VAC14: variants seen among roughly 807,000 people sequenced by gnomAD.
VAC14 encodes the protein VAC14 component of PIKFYVE complex.
Under a neutral mutation model 85.3 loss-of-function variants are expected in VAC14, and 47 were observed. That is an observed-to-expected ratio of 0.55 (90% CI 0.44 to 0.70). The LOEUF (loss-of-function observed/expected upper bound fraction) is 0.70, where lower values mean the gene tolerates loss of function less well. Among genes scored for constraint, VAC14 ranks in the 30% least tolerant of loss-of-function variants. The pLI is 0.00. For synonymous variants in VAC14, 447 were observed against 430.5 expected, an observed-to-expected ratio of 1.04 and a Z score of -0.47; for missense variants, 861 against 1,004.3, an observed-to-expected ratio of 0.86 and a Z score of 1.93.
chr16:70,795,043 G>A (rs1596972294), intron 1 of VAC14, among the ~76,000 whole-genome samples: 1 of 152,226 alleles, frequency 6.6e-6, no homozygotes, highest in African/African-American at 2.4e-5. Context: ...TGCTGTGCAG[G>A]TTTGTAGACT....
intron 9 of VAC14, chr16:70,772,603 G>A (rs939213629): frequency 6.4e-6 from 1 of 155,986 alleles, no homozygotes. Flanking sequence ...TGGAGAAACT[G>A]GAACCCTCGT....
rs79629143 is a variant in VAC14 at position 70,756,286 on chromosome 16, G to A, written c.1371+6254C>T. Reference sequence around the variant, plus strand: ...CAGTGGCACTGCCAGCCCAAGTTGGGCCGTTCCTCTGGGCTCCTAGGCAAG... The same window carrying A: ...CAGTGGCACTGCCAGCCCAAGTTGGACCGTTCCTCTGGGCTCCTAGGCAAG... On this transcript the variant is annotated intron_variant, in intron 12 of 18. Transcript: ENST00000261776. Among the ~76,000 whole-genome samples, 29 of 152,282 alleles carry A rather than the reference G, an allele frequency of 1.9e-4. No individual in the cohort carries two copies. The East Asian group carries it at 5.0e-3, about 26-fold the overall frequency.
chr16:70,690,478 G>C, intron 18 of VAC14: 1 of 985,598 alleles, frequency 1.0e-6, no homozygotes, highest in Non-Finnish European at 1.2e-6. Flanking sequence ...CCATGCACCT[G>C]TTGCCAGCTT....
chr16:70,688,671 C>T, intron 18 of VAC14: 8 of 985,634 alleles, frequency 8.1e-6, no homozygotes, highest in Non-Finnish European at 9.6e-6. Context: ...ACAGCTCCTA[C>T]ATTCCTGTTG....
chr16:70,754,920 G>A (rs190673404), intron 12 of VAC14, among the ~76,000 whole-genome samples: 3 of 152,298 alleles, frequency 2.0e-5, no homozygotes, highest in Non-Finnish European at 4.4e-5. Context: ...AAGACTGTCC[G>A]CTTCTGAGCA....
At chr16:70,784,340 C>A (rs1195450182) in intron 4 of VAC14, 120 bp from the exon 5 acceptor site, 6 of 738,802 alleles carry the variant, frequency 8.1e-6, no homozygotes, top group Non-Finnish European at 1.2e-5. Context: ...AATGGCAGAT[C>A]CTGAGCTAGG....
At chr16:70,799,185 C>CA (rs1327224308) in intron 1 of VAC14, among the ~76,000 whole-genome samples, 3 of 152,150 alleles carry the variant, frequency 2.0e-5, no homozygotes, top group Non-Finnish European at 4.4e-5. Flanking sequence ...GGGTGAGGGA[C>CA]AAAACTAGGT....
At chr16:70,689,475 TG>T (rs2053559026) in intron 18 of VAC14, 3 of 930,528 alleles carry the variant, frequency 3.2e-6, no homozygotes, top group Non-Finnish European at 3.7e-6. Context: ...TTGCTTCAGG[TG>T]GCCACCAGCC....
At chr16:70,719,506 T>C (rs1353671821) in intron 14 of VAC14, among the ~76,000 whole-genome samples, 2 of 152,028 alleles carry the variant, frequency 1.3e-5, no homozygotes, top group African/African-American at 2.4e-5. Flanking sequence ...ATTCAGAATA[T>C]ACAAAGGACT....
At chr16:70,722,152 G>A (rs1170904049) in intron 14 of VAC14, among the ~76,000 whole-genome samples, 2 of 152,206 alleles carry the variant, frequency 1.3e-5, no homozygotes, top group African/African-American at 4.8e-5. Context: ...CTGCATCTGA[G>A]CCCTGAACTA....
intron 18 of VAC14, chr16:70,688,721 T>C: frequency 2.0e-6 from 2 of 985,562 alleles, no homozygotes; most frequent in Non-Finnish European, 2.4e-6. Flanking sequence ...CAACACAGGT[T>C]GTGCACTGCA....
At chr16:70,741,721 G>A (rs753311289) in intron 13 of VAC14, among the ~76,000 whole-genome samples, 7 of 152,180 alleles carry the variant, frequency 4.6e-5, no homozygotes, top group Non-Finnish European at 1.0e-4. Context: ...ATGCTTTGTC[G>A]TTCTTCTATG....
At chr16:70,751,323 C>T (rs906580251) in intron 12 of VAC14, among the ~76,000 whole-genome samples, 4 of 152,278 alleles carry the variant, frequency 2.6e-5, no homozygotes, top group Non-Finnish European at 4.4e-5. Flanking sequence ...TTGGTACTGG[C>T]GGGGAGAGGT....
intron 1 of VAC14, among the ~76,000 whole-genome samples, chr16:70,791,494 C>G (rs748127298): frequency 5.3e-5 from 8 of 152,212 alleles, no homozygotes; most frequent in Non-Finnish European, 2.9e-5. Context: ...AAGCGATCCT[C>G]CTGCCTCAAC....
intron 10 of VAC14, among the ~76,000 whole-genome samples, chr16:70,764,967 T>C (rs2032693069): frequency 6.6e-6 from 1 of 152,202 alleles, no homozygotes; most frequent in Non-Finnish European, 1.5e-5. Context: ...TTCCCTTGCG[T>C]TCTGTTCCAC....
chr16:70,724,263 G>A (rs2054365759), intron 14 of VAC14, among the ~76,000 whole-genome samples: 1 of 152,218 alleles, frequency 6.6e-6, no homozygotes, highest in Admixed American at 6.5e-5. Context: ...TACAGGGAGT[G>A]CCAGTGTGTA....
At chr16:70,783,282 T>C (rs542094773) in intron 6 of VAC14, 143 bp from the exon 7 acceptor site, 1 of 1,036,212 alleles carries the variant, frequency 9.7e-7, no homozygotes, top group Non-Finnish European at 1.4e-6. Context: ...TTTCAGATGC[T>C]GGGGGTTGAT....
intron 9 of VAC14, chr16:70,778,331 G>A (rs754961317): frequency 6.6e-6 from 1 of 152,192 alleles, no homozygotes; most frequent in Admixed American, 6.5e-5. Context: ...ACAGGATGGA[G>A]TGGTTCCTTT....
rs766294486 is a variant in VAC14, at chr16:70,780,832, T to C, written c.1054A>G (p.Thr352Ala). 3.9e-5 allele frequency: 63 copies of C among 1,611,394 alleles called. No individual in the cohort carries two copies. The highest frequency in any genetic ancestry group is 5.1e-5 in the Non-Finnish European group (60 of 1,178,700). Reference protein sequence around the residue: ...LRPGQRQAEPTPDDALPKQEG... With the variant: ...LRPGQRQAEPAPDDALPKQEG... ...TGCTTTGGCAGGGCATCGTCAGGGG[T>C]GGGCTCTGCCTGCCTCTGCCCAGGT... The change falls in exon 9 of 19, where the codon ACC becomes GCC. Residue 352 changes from threonine to alanine, a missense_variant. Thr to Ala is a moderately conservative substitution (Grantham distance 58). Around this residue, in one of 3 missense-constraint regions of VAC14, gnomAD observed 629 missense variants for 703.1 expected, o/e 0.89. Transcript: ENST00000261776.
Sources: gnomAD v4.1 joint callset for allele counts (sites outside exome capture counted in the v4.1 genomes callset) on GRCh38, gnomAD v4.1.1 for gene constraint, gnomAD v4.1.1 regional missense constraint, MANE v1.5 for transcripts, NCBI Gene and HGNC (gene_info 2026-07-23, HGNC 2026-07-21) for gene names.